Variants in RC3H2 observed in about 807,000 individuals in gnomAD.
RC3H2 encodes roquin-2.
A neutral mutation model predicts 133.3 loss-of-function variants in RC3H2; 31 were observed. The ratio of observed to expected loss-of-function variants is 0.23; its 90% CI spans 0.17 to 0.31. RC3H2 has a LOEUF of 0.31. Among genes scored for constraint, RC3H2 ranks in the 10% least tolerant of loss-of-function variants. The pLI is 1.00. For missense variants in RC3H2, 1,175 were observed against 1,437.2 expected, an observed-to-expected ratio of 0.82 and a Z score of 2.95; for synonymous variants, 517 against 502.2, an observed-to-expected ratio of 1.03 and a Z score of -0.40.
At chr9:122,893,656 C>T (rs1832290137) in intron 2 of RC3H2, among the ~76,000 whole-genome samples, 2 of 152,106 alleles carry the variant, frequency 1.3e-5, no homozygotes, top group South Asian at 4.1e-4. Context: ...GAAAGTTATA[C>T]AAGTTCTCTG....
At chr9:122,892,504 C>G (rs1488120079) in intron 3 of RC3H2, among the ~76,000 whole-genome samples, 1 of 152,050 alleles carries the variant, frequency 6.6e-6, no homozygotes. Flanking sequence ...CTCTGCCTCC[C>G]GGGTTCACGC....
chr9:122,881,501 A>T (rs897875023), intron 5 of RC3H2, among the ~76,000 whole-genome samples: 3 of 151,812 alleles, frequency 2.0e-5, no homozygotes, highest in Non-Finnish European at 4.4e-5. Context: ...GGGGAGAAAT[A>T]GAATTTTTAA....
chr9:122,868,885 G>A lies in RC3H2; in HGVS notation c.1326-3228C>T, dbSNP rs1219101321. ...TGTGTGTGTGTGTGTGTGTGTGTGT[G>A]TGTGTATGTGTTTTTTTTTTTTTTT... On this transcript the variant is annotated intron_variant, in intron 9 of 20. Transcript: ENST00000357244. Among the ~76,000 whole-genome samples the A allele has an allele frequency of 4.1e-3, 43 of 10,578 alleles. 1 individual carries two copies. The highest frequency in any genetic ancestry group is 8.8e-3 in the Admixed American group (8 of 914). The allele number at this position is 10,578 out of a possible 152,430, so 6.9% of individuals were successfully genotyped here.
intron 10 of RC3H2, among the ~76,000 whole-genome samples, chr9:122,864,151 T>C (rs1031644797): frequency 6.6e-5 from 10 of 152,242 alleles, no homozygotes; most frequent in African/African-American, 2.4e-4. Context: ...AATGCTTTTT[T>C]CCTAGCAGGC....
intron 9 of RC3H2, chr9:122,875,276 T>C (rs1036939987): frequency 1.3e-6 from 2 of 1,550,712 alleles, no homozygotes; most frequent in African/African-American, 2.7e-5. Context: ...TCTATCACAA[T>C]GCTGCTGCTT....
rs1369659486 is a variant in RC3H2, at chr9:122,865,451, G to A, written c.1532C>T (p.Thr511Ile). 6.2e-7 allele frequency: 1 copy of A among 1,614,166 alleles called. No individual in the cohort carries two copies. The highest frequency in any genetic ancestry group is 2.2e-5 in the East Asian group (1 of 44,886). Residue 511 changes from threonine to isoleucine, a missense_variant, in exon 10 of 21, where the codon ACT (threonine) becomes ATT (isoleucine). Thr to Ile is a moderately conservative substitution (Grantham distance 89). This residue lies in a region of RC3H2 where 490 missense variants were observed against 492.8 expected (regional missense o/e 0.99). Coordinates refer to ENST00000357244, the MANE Select transcript of RC3H2 (RefSeq NM_001100588.3). ...CTCCAGAGCTCTTAAGGTACTGTCA[G>A]TACTACGTGAGATTAGCTGGGAAAC... ...NSVSQLISRS[T>I]DSTLRALETV...
At chr9:122,889,078 G>C (rs1832053304) in intron 4 of RC3H2, among the ~76,000 whole-genome samples, 1 of 152,028 alleles carries the variant, frequency 6.6e-6, no homozygotes, top group South Asian at 2.1e-4. Flanking sequence ...TTTTTCTTCT[G>C]AATTTTTAGA....
In RC3H2 at chr9:122,897,525, C is replaced by T. The variant is rs374859885; in HGVS notation, c.-16G>A. Reference sequence around the variant, plus strand: ...GCACAGGCATTGTGGAAGCTGGATGCTCGGGTTAGCAGTCTAGCAGATCAT... The same window carrying T: ...GCACAGGCATTGTGGAAGCTGGATGTTCGGGTTAGCAGTCTAGCAGATCAT... On this transcript the variant is annotated 5_prime_UTR_variant, in exon 2 of 21. Coordinates refer to ENST00000357244, the MANE Select transcript of RC3H2 (RefSeq NM_001100588.3). 9.5e-4 allele frequency: 1,522 copies of T among 1,607,848 alleles called. 1 individual carries two copies. Among genetic ancestry groups the T allele is most frequent in the Non-Finnish European group, 1.2e-3 (1,429 of 1,176,076 alleles).
chr9:122,860,395 T>C (rs143761340), intron 10 of RC3H2, among the ~76,000 whole-genome samples: 2,699 of 138,626 alleles, frequency 0.019, 30 homozygotes, highest in South Asian at 0.028. Flanking sequence ...TTAGTCACCA[T>C]TTACCCATTC....
chr9:122,899,791 T>A (rs1278951638), intron 1 of RC3H2, among the ~76,000 whole-genome samples: 1 of 152,222 alleles, frequency 6.6e-6, no homozygotes, highest in East Asian at 1.9e-4. Context: ...AGTTAATAAC[T>A]TGAACTGATT....
rs1832008953 is a variant in RC3H2 at position 122,888,098 on chromosome 9, A to ATTTT, written c.583+2213_583+2214insAAAA. Among the ~76,000 whole-genome samples the ATTTT allele has an allele frequency of 2.6e-5, 4 of 152,214 alleles. No individual in the cohort carries two copies. The East Asian group carries it at 7.7e-4, about 29-fold the overall frequency. ...TCTTGGTTCTGGTGGCATTAACATA[A>ATTTT]TTATTTGCTTGCTTGTTTTATCCAA... is the stretch of plus-strand genomic sequence containing the variant. On this transcript the variant is annotated intron_variant, in intron 4 of 20. Coordinates refer to ENST00000357244, the MANE Select transcript of RC3H2 (RefSeq NM_001100588.3).
At chr9:122,891,076 G>C (rs1832149386) in intron 3 of RC3H2, among the ~76,000 whole-genome samples, 1 of 139,606 alleles carries the variant, frequency 7.2e-6, no homozygotes, top group African/African-American at 2.7e-5. Context: ...CTGGAGTGCA[G>C]TGGCACAATC....
intron 3 of RC3H2, 45 bp from the exon 4 acceptor site, chr9:122,890,590 A>C: frequency 6.8e-7 from 1 of 1,467,446 alleles, no homozygotes; most frequent in Non-Finnish European, 9.3e-7. Flanking sequence ...TTTTCAATAA[A>C]AAATAAAAGT....
At chr9:122,868,123 T>A (rs6478573) in intron 9 of RC3H2, among the ~76,000 whole-genome samples, 3 of 141,354 alleles carry the variant, frequency 2.1e-5, no homozygotes, top group South Asian at 4.8e-4. Flanking sequence ...GAGGTGGGGG[T>A]GTCAGCCCCC....
rs369228436 is a variant in RC3H2, at chr9:122,890,210, C to A, written c.583+102G>T. 632 of 792,826 alleles carry A rather than the reference C, an allele frequency of 8.0e-4. 7 individuals are homozygous for A. The Middle Eastern group carries it at 0.015, about 19-fold the overall frequency. The allele number at this position is 792,826 out of a possible 1,614,324, so 49.1% of individuals were successfully genotyped here. A position where few individuals can be genotyped will look rare whatever the true frequency, so the allele number is the denominator to read the frequency against. On this transcript the variant is annotated intron_variant, in intron 4 of 20. Coordinates refer to ENST00000357244, the MANE Select transcript of RC3H2 (RefSeq NM_001100588.3). ...ATCTTTAATTATATCAAGATTTGTACATATAAAGACGGGTTGAGTCTCAGG... is the reference window on the plus strand; with the variant it reads ...ATCTTTAATTATATCAAGATTTGTAAATATAAAGACGGGTTGAGTCTCAGG...
chr9:122,864,624 CCTT>C (rs1049631100), intron 10 of RC3H2, among the ~76,000 whole-genome samples: 15 of 151,534 alleles, frequency 9.9e-5, no homozygotes, highest in Admixed American at 2.6e-4. Context: ...AGAGTCCCCT[CCTT>C]TTTTTTTTTT....
intron 4 of RC3H2, among the ~76,000 whole-genome samples, chr9:122,889,184 T>A (rs1282731526): frequency 6.6e-6 from 1 of 152,200 alleles, no homozygotes; most frequent in Non-Finnish European, 1.5e-5. Context: ...CATTTGCTTA[T>A]AATTTTTTTG....
chr9:122,856,337 C>T (rs560520956), intron 13 of RC3H2, among the ~76,000 whole-genome samples: 2 of 152,338 alleles, frequency 1.3e-5, no homozygotes, highest in South Asian at 2.1e-4. Flanking sequence ...CTAGCAGCCT[C>T]GACTTCCCAG....
intron 4 of RC3H2, chr9:122,890,059 T>C (rs1832095349): frequency 1.7e-6 from 1 of 592,430 alleles, no homozygotes; most frequent in South Asian, 2.1e-5. Flanking sequence ...GGAGAATTGC[T>C]TGAGCATGGA....
Sources: gnomAD v4.1 joint callset for allele counts (sites outside exome capture counted in the v4.1 genomes callset) on GRCh38, gnomAD v4.1.1 for gene constraint, gnomAD v4.1.1 regional missense constraint, MANE v1.5 for transcripts, NCBI Gene and HGNC (gene_info 2026-07-23, HGNC 2026-07-21) for gene names.